Variants in GOLGA4 observed in about 807,000 individuals in gnomAD.
GOLGA4 encodes golgin A4.
In GOLGA4, 169 loss-of-function variants were observed where a neutral mutation model predicts 265.9. That is an observed-to-expected ratio of 0.64 (90% CI 0.56 to 0.72). The LOEUF is 0.72. Ranked by LOEUF, GOLGA4 falls within the 30% of genes least tolerant of loss-of-function variation. GOLGA4 has a pLI of 0.00. For synonymous variants in GOLGA4, 923 were observed against 855.8 expected (o/e 1.08, Z -1.37); for missense variants, 2,482 against 2,483.4 (o/e 1.00, Z 0.01).
At chr3:37,328,593 A>C (rs1246899245) in intron 15 of GOLGA4, 56 bp downstream of exon 15, 6 of 1,496,972 alleles carry the variant, frequency 4.0e-6, no homozygotes, top group Non-Finnish European at 5.5e-6. Context: ...CTATAATTTA[A>C]GCTTATCATT....
chr3:37,257,037 C>T (rs2096750784), intron 2 of GOLGA4, among the ~76,000 whole-genome samples: 1 of 152,078 alleles, frequency 6.6e-6, no homozygotes, highest in African/African-American at 2.4e-5. Context: ...ACATTTCCAT[C>T]ACCCCAAAAT....
At chr3:37,301,289 A>G (rs76624761) in intron 9 of GOLGA4, among the ~76,000 whole-genome samples, 5,846 of 152,006 alleles carry the variant, frequency 0.038, 142 homozygotes, top group African/African-American at 0.056. Context: ...TTATCCAGAA[A>G]GAGGGAACAG....
chr3:37,353,422 G>A (rs1295117689), intron 21 of GOLGA4, among the ~76,000 whole-genome samples: 3 of 152,084 alleles, frequency 2.0e-5, no homozygotes, highest in Admixed American at 6.6e-5. Flanking sequence ...CCTGTACTTG[G>A]TTTCTAGACT....
chr3:37,347,473 T>G (rs564368248), intron 21 of GOLGA4, among the ~76,000 whole-genome samples, 177 bp downstream of exon 21: 9 of 152,312 alleles, frequency 5.9e-5, no homozygotes, highest in Non-Finnish European at 1.3e-4. Context: ...TGGATCTTGC[T>G]TATATTTATT....
chr3:37,329,075 A>T lies in GOLGA4; in HGVS notation c.6174A>T (p.Arg2058Ser), dbSNP rs11924014. 5.8e-3 allele frequency: 9,326 copies of T among 1,606,642 alleles called. 98 individuals carry two copies. The highest frequency in any genetic ancestry group is 0.035 in the Middle Eastern group (198 of 5,724). The change falls in exon 16 of 24, where the codon AGA (arginine) becomes AGT (serine). Residue 2058 changes from arginine to serine, a missense_variant. Around this residue, in one of 3 missense-constraint regions of GOLGA4, gnomAD observed 942 missense variants for 983.1 expected, o/e 0.96. Transcript: ENST00000361924. ...ATGATCTAAAACGAACAGCCAAAAG[A>T]TATGAAGAAATCCTTGATGTTTGTA... The part of the protein sequence containing the change: ...KDDDLKRTAK[R>S]YEEILDAREE...
At chr3:37,249,346 A>G (rs2096727789) in intron 1 of GOLGA4, among the ~76,000 whole-genome samples, 1 of 152,176 alleles carries the variant, frequency 6.6e-6, no homozygotes, top group African/African-American at 2.4e-5. Flanking sequence ...ACTTTTAGTC[A>G]CATATTTTCT....
At chr3:37,266,023 C>T in intron 2 of GOLGA4, among the ~76,000 whole-genome samples, 2 of 121,592 alleles carry the variant, frequency 1.6e-5, no homozygotes, top group African/African-American at 3.4e-5. Context: ...TAGACCTTGT[C>T]TCAAAAAAAA....
At chr3:37,252,222 C>T (rs1400658690) in intron 2 of GOLGA4, among the ~76,000 whole-genome samples, 3 of 151,998 alleles carry the variant, frequency 2.0e-5, no homozygotes, top group African/African-American at 4.8e-5. Flanking sequence ...AGTGAATCCT[C>T]CCAGGTCAAG....
rs755826571 is a variant in GOLGA4 at position 37,276,349 on chromosome 3, A to G, written c.163-5609A>G. The stretch of plus-strand genomic sequence containing the variant: ...TCTGTGGGAATATTCCTCCTGACTT[A>G]TTTGCTAGAATGACAGCAGAGGAAA... On this transcript the variant is annotated intron_variant, in intron 2 of 23. Coordinates refer to ENST00000361924, the MANE Select transcript of GOLGA4 (RefSeq NM_002078.5). The G allele has an allele frequency of 4.3e-4, 697 of 1,607,164 alleles. 1 individual carries two copies. The highest frequency in any genetic ancestry group is 5.8e-4 in the Non-Finnish European group (675 of 1,173,836).
chr3:37,347,366 C>G (rs1227358661), intron 21 of GOLGA4, 70 bp downstream of exon 21: 1 of 808,346 alleles, frequency 1.2e-6, no homozygotes, highest in Non-Finnish European at 2.1e-6. Flanking sequence ...TTTTAATACA[C>G]ATGTGAATGC....
intron 10 of GOLGA4, chr3:37,302,719 A>G (rs1313978537): frequency 5.9e-6 from 1 of 169,836 alleles, no homozygotes; most frequent in African/African-American, 2.4e-5. Context: ...CCCAGTAGGT[A>G]CAGCATGGTA....
intron 8 of GOLGA4, 114 bp from the exon 9 acceptor site, chr3:37,299,174 T>C: frequency 1.1e-6 from 1 of 915,038 alleles, no homozygotes; most frequent in Non-Finnish European, 1.7e-6. Context: ...AGACTTACTG[T>C]GTACTTTTTT....
chr3:37,354,344 G>A (rs764791228), intron 21 of GOLGA4, among the ~76,000 whole-genome samples: 5 of 151,992 alleles, frequency 3.3e-5, no homozygotes, highest in Non-Finnish European at 7.4e-5. Context: ...CACTGAAGTT[G>A]TTATCCTACT....
intron 2 of GOLGA4, among the ~76,000 whole-genome samples, chr3:37,252,280 T>C (rs544017132): frequency 6.6e-6 from 1 of 151,862 alleles, no homozygotes; most frequent in Non-Finnish European, 1.5e-5. Context: ...CCCTGAAGGA[T>C]TACCACCATC....
chr3:37,278,449 C>T (rs1302949615), intron 2 of GOLGA4, among the ~76,000 whole-genome samples: 1 of 152,104 alleles, frequency 6.6e-6, no homozygotes, highest in Non-Finnish European at 1.5e-5. Context: ...GTGATCCACC[C>T]GCCTTGGCCT....
chr3:37,310,076 T>G (rs1314463349), intron 10 of GOLGA4, among the ~76,000 whole-genome samples: 18 of 152,372 alleles, frequency 1.2e-4, no homozygotes, highest in South Asian at 6.2e-4. Context: ...GGCATTGGCT[T>G]ACTTACTCAT....
chr3:37,333,056 C>T lies in GOLGA4; in HGVS notation c.6193-1997C>T, dbSNP rs559836171. Among the ~76,000 whole-genome samples the T allele has an allele frequency of 3.3e-5, 5 of 152,236 alleles. 1 individual carries two copies. The highest frequency in any genetic ancestry group is 1.2e-4 in the African/African-American group (5 of 41,526). ...AATCTGGCCCAGTGCCTGGCACATA[C>T]GAGCACTTGATAAATTTGAAGGAGG... On this transcript the variant is annotated intron_variant, in intron 16 of 23. Transcript: ENST00000361924.
chr3:37,267,864 A>G (rs185996866), intron 2 of GOLGA4, among the ~76,000 whole-genome samples: 273 of 152,342 alleles, frequency 1.8e-3, no homozygotes, highest in Non-Finnish European at 3.0e-3. Context: ...CTTGGTATGC[A>G]TATGGCCAGT....
At chr3:37,350,928 G>T (rs892727676) in intron 21 of GOLGA4, among the ~76,000 whole-genome samples, 1 of 152,060 alleles carries the variant, frequency 6.6e-6, no homozygotes, top group Admixed American at 6.6e-5. Flanking sequence ...TATGTTGATG[G>T]CTCTTGACTA....
Sources: allele counts gnomAD v4.1 joint callset (sites outside exome capture counted in the v4.1 genomes callset), GRCh38; gene constraint gnomAD v4.1.1; regional missense constraint gnomAD v4.1.1; transcripts MANE v1.5; gene names NCBI Gene and HGNC (gene_info 2026-07-23, HGNC 2026-07-21).